The following SCN8A variants were observed in gnomAD, a reference collection of about 807,000 sequenced individuals.
The protein encoded by SCN8A is sodium channel protein type 8 subunit alpha.
In SCN8A, 30 loss-of-function variants were observed where a neutral mutation model predicts 184.1. That is an observed-to-expected ratio of 0.16 (90% CI 0.12 to 0.22). The LOEUF (loss-of-function observed/expected upper bound fraction) is 0.22, where lower values mean the gene tolerates loss of function less well. SCN8A is among the 10% of genes least tolerant of loss of function. The pLI is 1.00. For synonymous variants in SCN8A, 852 were observed against 907.0 expected (o/e 0.94, Z 1.09); for missense variants, 1,057 against 2,498.9 (o/e 0.42, Z 12.30).
At chr12:51,788,063 A>G (rs1413884495) in intron 22 of SCN8A, among the ~76,000 whole-genome samples, 11 of 152,204 alleles carry the variant, frequency 7.2e-5, no homozygotes. Context: ...AATCTGGTTG[A>G]GTACATAAAA....
At chr12:51,752,914 C>T (rs1942618166) in intron 14 of SCN8A, among the ~76,000 whole-genome samples, 1 of 152,040 alleles carries the variant, frequency 6.6e-6, no homozygotes, top group Non-Finnish European at 1.5e-5. Context: ...TTCTGTTTTC[C>T]CTGTAGAGTT....
intron 1 of SCN8A, among the ~76,000 whole-genome samples, chr12:51,592,227 T>TG (rs1939241754): frequency 6.6e-6 from 1 of 151,686 alleles, no homozygotes; most frequent in Non-Finnish European, 1.5e-5. Flanking sequence ...CTTGGTACCT[T>TG]GGGGCACCGC....
chr12:51,766,167 C>T (rs1382863335), intron 16 of SCN8A, 140 bp downstream of exon 16: 2 of 745,184 alleles, frequency 2.7e-6, no homozygotes, highest in East Asian at 2.6e-5. Context: ...GCCCAGAAAC[C>T]CTAAGGTACA....
At chr12:51,599,521 C>G (rs973032624) in intron 1 of SCN8A, among the ~76,000 whole-genome samples, 1 of 152,066 alleles carries the variant, frequency 6.6e-6, no homozygotes, top group Non-Finnish European at 1.5e-5. Context: ...GGCAGATAAG[C>G]CTGCAAAGAT....
intron 1 of SCN8A, among the ~76,000 whole-genome samples, chr12:51,617,218 T>C (rs997786697): frequency 1.3e-5 from 2 of 152,192 alleles, no homozygotes; most frequent in Non-Finnish European, 2.9e-5. Flanking sequence ...TCCTTACCTG[T>C]TGGGCCTTTG....
chr12:51,764,507 C>T lies in SCN8A; in HGVS notation c.2545-1164C>T, dbSNP rs866273950. ...AAAATTAGCCGGGCATGGTGGTGCA[C>T]GCCTGTAATCCCAGCTACCTGGGAG... On this transcript the variant is annotated intron_variant, in intron 15 of 26. Transcript: ENST00000627620. 5.3e-5 allele frequency among the ~76,000 whole-genome samples: 8 copies of T among 152,094 alleles called. No homozygotes were observed. The South Asian group carries it at 1.0e-3, about 20-fold the overall frequency.
chr12:51,687,058 G>T, intron 4 of SCN8A, 33 bp from the exon 5 acceptor site: 1 of 1,612,152 alleles, frequency 6.2e-7, no homozygotes, highest in Non-Finnish European at 8.5e-7. Context: ...TTTCTGTCCA[G>T]AAATTACCTC....
chr12:51,722,182 T>C (rs184008571), intron 12 of SCN8A: 128 of 560,262 alleles, frequency 2.3e-4, no homozygotes, highest in African/African-American at 2.2e-3. Context: ...CTTCCCTCCT[T>C]GTTTCTGACA....
rs1372445848 is a variant in SCN8A, at chr12:51,807,150, C to T, written c.5664C>T (p.Thr1888=). The stretch of plus-strand genomic sequence containing the variant: ...AAGTGTCTTACGAGCCAATCACAAC[C>T]ACACTGCGTCGCAAGCAGGAGGAGG... ...PSKVSYEPIT[T]TLRRKQEEVS... is the part of the protein sequence containing the mutation. The change falls in exon 27 of 27, where the codon ACC becomes ACT. Residue 1888 remains threonine, a synonymous_variant. Transcript: ENST00000627620. The surrounding 1 kb of genome is among the most constrained non-coding windows in gnomAD (Gnocchi z 4.5). 1.9e-6 allele frequency: 3 copies of T among 1,613,952 alleles called. No homozygotes were observed. The South Asian group carries it at 3.3e-5, about 18-fold the overall frequency.
chr12:51,731,577 G>T (rs1942243539), intron 12 of SCN8A, among the ~76,000 whole-genome samples: 1 of 152,066 alleles, frequency 6.6e-6, no homozygotes, highest in Non-Finnish European at 1.5e-5. Flanking sequence ...TTTCTTTTGG[G>T]CATATACCCA....
intron 26 of SCN8A, among the ~76,000 whole-genome samples, chr12:51,798,654 G>A (rs1938475903): frequency 6.6e-6 from 1 of 152,168 alleles, no homozygotes; most frequent in South Asian, 2.1e-4. Flanking sequence ...TGGGCCCATT[G>A]GGCAATGACA....
chr12:51,630,397 G>C (rs1443631037), intron 1 of SCN8A, among the ~76,000 whole-genome samples: 2 of 152,026 alleles, frequency 1.3e-5, no homozygotes, highest in East Asian at 1.9e-4. Context: ...ATTTTACTTA[G>C]CATAATGTCT....
At position 51,790,495 on chromosome 12, in the gene SCN8A, G is replaced by A. The variant is rs760096460; in HGVS notation, c.4517G>A (p.Arg1506His). 1.9e-6 allele frequency: 3 copies of A among 1,603,662 alleles called. No homozygotes were observed. Among genetic ancestry groups the A allele is most frequent in the Admixed American group, 1.7e-5 (1 of 59,084 alleles). The part of the protein sequence containing the change: ...GSKKPQKPIP[R>H]PLNKIQGIVF... ...AAGAAGCCACAGAAACCTATTCCCC[G>A]CCCCTTGGTAAGTGCATTGTGCAGG... The change falls in exon 25 of 27, where the codon CGC becomes CAC. Residue 1506 changes from arginine (R) to histidine (H), a missense_variant. This residue lies in a region of SCN8A where 37 missense variants were observed against 216.1 expected (regional missense o/e 0.17). Coordinates refer to ENST00000627620, the MANE Select transcript of SCN8A (RefSeq NM_001330260.2).
At chr12:51,797,429 T>C (rs1938441922) in intron 26 of SCN8A, among the ~76,000 whole-genome samples, 1 of 152,152 alleles carries the variant, frequency 6.6e-6, no homozygotes, top group Non-Finnish European at 1.5e-5. Context: ...CTCATGACAA[T>C]AGTCTTCATT....
At chr12:51,594,621 A>G (rs1939303833) in intron 1 of SCN8A, among the ~76,000 whole-genome samples, 1 of 152,256 alleles carries the variant, frequency 6.6e-6, no homozygotes, top group African/African-American at 2.4e-5. Flanking sequence ...AATCCAAAGT[A>G]TATCCAGAGT....
intron 21 of SCN8A, among the ~76,000 whole-genome samples, 185 bp downstream of exon 21, chr12:51,780,956 C>T (rs879120300): frequency 5.3e-5 from 8 of 152,198 alleles, no homozygotes; most frequent in African/African-American, 1.7e-4. Context: ...GCTGCCTCAT[C>T]ACATTAATAT....
At chr12:51,793,145 A>G (rs1938313215) in intron 25 of SCN8A, among the ~76,000 whole-genome samples, 1 of 152,236 alleles carries the variant, frequency 6.6e-6, no homozygotes, top group Admixed American at 6.5e-5. Context: ...AAGTGGCCAT[A>G]CAAGTCCAGA....
At position 51,811,584 on chromosome 12, in the gene SCN8A, G is replaced by A. The variant is rs140393610; in HGVS notation, c.*4155G>A. 7.2e-5 allele frequency: 11 copies of A among 152,874 alleles called. No individual in the cohort carries two copies. Among genetic ancestry groups the A allele is most frequent in the Admixed American group, 2.0e-4 (3 of 15,314 alleles). 9.5% of individuals were successfully genotyped at this position (152,874 alleles called of 1,614,324 possible). The stretch of plus-strand genomic sequence containing the variant: ...CATCGCCCCAGACAGGCCCACAGAC[G>A]AGGGCTGGTCTCCTTCACATTTGTG... On this transcript the variant is annotated 3_prime_UTR_variant, in exon 27 of 27. Transcript: ENST00000627620.
At chr12:51,737,957 G>A (rs909761169) in intron 12 of SCN8A, among the ~76,000 whole-genome samples, 4 of 152,148 alleles carry the variant, frequency 2.6e-5, no homozygotes, top group African/African-American at 9.7e-5. Context: ...TGATTGTTCA[G>A]CAAGCAATTT....
Sources: gnomAD v4.1 joint callset for allele counts (sites outside exome capture counted in the v4.1 genomes callset) on GRCh38, gnomAD v4.1.1 for gene constraint, gnomAD v4.1.1 regional missense constraint, Gnocchi (gnomAD v3.1) non-coding constraint, MANE v1.5 for transcripts, NCBI Gene and HGNC (gene_info 2026-07-23, HGNC 2026-07-21) for gene names.